Variants in GRID1 observed in about 807,000 individuals in gnomAD.
GRID1 encodes the protein glutamate ionotropic receptor delta type subunit 1, also known as glutamate receptor ionotropic, delta-1.
Under a neutral mutation model 98.0 loss-of-function variants are expected in GRID1, and 28 were observed. The observed-to-expected ratio is 0.29, with a 90% CI of 0.21 to 0.39. The LOEUF (loss-of-function observed/expected upper bound fraction) is 0.39. Ranked by LOEUF, GRID1 falls within the 10% of genes least tolerant of loss-of-function variation. The pLI is 1.00. For synonymous variants in GRID1, 553 were observed against 538.5 expected, an observed-to-expected ratio of 1.03 and a Z score of -0.37; for missense variants, 1,111 against 1,340.5, an observed-to-expected ratio of 0.83 and a Z score of 2.67.
intron 8 of GRID1, among the ~76,000 whole-genome samples, chr10:85,834,845 C>T (rs932144613): frequency 6.6e-6 from 1 of 151,832 alleles, no homozygotes; most frequent in Non-Finnish European, 1.5e-5. Flanking sequence ...TACTTAAATG[C>T]TAAAACAACA....
At chr10:85,725,630 G>C (rs1210190284) in intron 10 of GRID1, among the ~76,000 whole-genome samples, 3 of 152,138 alleles carry the variant, frequency 2.0e-5, no homozygotes, top group African/African-American at 7.2e-5. Context: ...CTGGCCTCTT[G>C]ACCCTCAAAG....
chr10:86,362,519 A>AC (rs1413256708), intron 2 of GRID1, among the ~76,000 whole-genome samples: 22 of 151,868 alleles, frequency 1.4e-4, no homozygotes, highest in Admixed American at 7.9e-4. Context: ...TGTTAGCCTC[A>AC]CCCCCCCTAA....
rs544937099 is a variant in GRID1, at chr10:85,986,934, C to G, written c.727-70695G>C. ...TTCAGCACTCTCAGAAGCAGCAGCT[C>G]CATCACAACCACTACAGCTCCCAGC... On this transcript the variant is annotated intron_variant, in intron 4 of 15. Transcript: ENST00000327946. 1.4e-4 allele frequency among the ~76,000 whole-genome samples: 21 copies of G among 152,288 alleles called. No individual in the cohort carries two copies. In the South Asian group the frequency reaches 3.7e-3, roughly 27 times the overall value.
intron 4 of GRID1, among the ~76,000 whole-genome samples, chr10:86,109,599 T>C (rs1320924385): frequency 3.9e-5 from 6 of 152,250 alleles, no homozygotes; most frequent in Non-Finnish European, 8.8e-5. Context: ...AGGCCTGCCA[T>C]TGGACATAGC....
chr10:86,211,416 C>T (rs1050772670), intron 2 of GRID1, among the ~76,000 whole-genome samples: 2 of 152,218 alleles, frequency 1.3e-5, no homozygotes, highest in Non-Finnish European at 2.9e-5. Flanking sequence ...CCAGCCCCCC[C>T]ACCTGCACCC....
chr10:85,896,704 A>G (rs756836041), intron 5 of GRID1, among the ~76,000 whole-genome samples: 2 of 152,228 alleles, frequency 1.3e-5, no homozygotes, highest in Non-Finnish European at 2.9e-5. Flanking sequence ...TATCTAAAAT[A>G]TTGGTAAAAA....
intron 12 of GRID1, among the ~76,000 whole-genome samples, chr10:85,721,512 T>C (rs758513386): frequency 1.3e-5 from 2 of 152,226 alleles, no homozygotes; most frequent in Non-Finnish European, 2.9e-5. Flanking sequence ...ATGTGGTATA[T>C]GTGATATAAT....
chr10:85,707,395 A>G (rs1841532857), intron 12 of GRID1, among the ~76,000 whole-genome samples: 1 of 152,240 alleles, frequency 6.6e-6, no homozygotes, highest in Admixed American at 6.5e-5. Context: ...GAGAAATGCA[A>G]ATCAAAACCA....
At chr10:85,694,546 GTGTGTATATATATATATATATATATATA>G (rs1239167310) in intron 12 of GRID1, among the ~76,000 whole-genome samples, 2 of 78,178 alleles carry the variant, frequency 2.6e-5, no homozygotes, top group African/African-American at 9.6e-5. Flanking sequence ...AGAAAATGTG[GTGTGTATATATATATATATATATATATA>G]TATATATATA....
At position 85,681,294 on chromosome 10, in the gene GRID1, T is replaced by C. The variant is rs188518725; in HGVS notation, c.1998-33897A>G. ...ACTCTGAATCGGGTTCTCTGGCACC[T>C]TTTTCATGTCCAACATTGCACCAAC... is the stretch of plus-strand genomic sequence containing the variant. On this transcript the variant is annotated intron_variant, in intron 12 of 15. Transcript: ENST00000327946. 1.1e-4 allele frequency among the ~76,000 whole-genome samples: 16 copies of C among 152,258 alleles called. No individual in the cohort carries two copies. The East Asian group carries it at 3.1e-3, about 29-fold the overall frequency.
chr10:86,014,602 T>C (rs1379455895), intron 4 of GRID1, among the ~76,000 whole-genome samples: 1 of 152,106 alleles, frequency 6.6e-6, no homozygotes, highest in Non-Finnish European at 1.5e-5. Context: ...TTAGCATGGA[T>C]GGGAAAAGCA....
At chr10:86,167,358 T>C (rs1052118107) in intron 3 of GRID1, among the ~76,000 whole-genome samples, 2 of 152,026 alleles carry the variant, frequency 1.3e-5, no homozygotes, top group African/African-American at 2.4e-5. Context: ...GTGCCTGCCT[T>C]CCAGAAGGAA....
At chr10:85,834,542 A>G (rs555120475) in intron 8 of GRID1, among the ~76,000 whole-genome samples, 1 of 152,326 alleles carries the variant, frequency 6.6e-6, no homozygotes, top group South Asian at 2.1e-4. Flanking sequence ...AGTATATACT[A>G]TCCTTCTTCT....
At chr10:85,850,672 G>A (rs367890791) in intron 8 of GRID1, among the ~76,000 whole-genome samples, 8 of 152,246 alleles carry the variant, frequency 5.3e-5, no homozygotes, top group East Asian at 1.9e-4. Flanking sequence ...AGATAGATAC[G>A]CTCAGAGAAA....
chr10:86,123,045 C>A (rs577994041), intron 4 of GRID1, among the ~76,000 whole-genome samples: 1 of 152,348 alleles, frequency 6.6e-6, no homozygotes, highest in African/African-American at 2.4e-5. Context: ...TGAGGATGAA[C>A]CAGGCAACTG....
At chr10:86,285,039 C>T (rs887584693) in intron 2 of GRID1, among the ~76,000 whole-genome samples, 13 of 152,132 alleles carry the variant, frequency 8.5e-5, no homozygotes, top group Non-Finnish European at 1.8e-4. Context: ...GGACAGTCCT[C>T]CCTCCACAGT....
At chr10:86,284,045 TAC>T (rs1261680922) in intron 2 of GRID1, among the ~76,000 whole-genome samples, 4 of 128,258 alleles carry the variant, frequency 3.1e-5, no homozygotes, top group Non-Finnish European at 6.6e-5. Context: ...CCTGCCCTCA[TAC>T]ACACACCTGC....
chr10:85,641,303 T>G (rs541382861), intron 13 of GRID1, among the ~76,000 whole-genome samples: 2 of 152,372 alleles, frequency 1.3e-5, no homozygotes, highest in South Asian at 4.1e-4. Context: ...ATTCTGCATC[T>G]CCAAGTTTCT....
chr10:85,755,455 G>A (rs1842087557), intron 8 of GRID1, among the ~76,000 whole-genome samples: 1 of 152,162 alleles, frequency 6.6e-6, no homozygotes, highest in South Asian at 2.1e-4. Context: ...GAAGCTGCGT[G>A]GTCTCTTGAG....
Sources: gnomAD v4.1 joint callset for allele counts (sites outside exome capture counted in the v4.1 genomes callset) on GRCh38, gnomAD v4.1.1 for gene constraint, MANE v1.5 for transcripts, NCBI Gene and HGNC (gene_info 2026-07-23, HGNC 2026-07-21) for gene names.